Variants in GLIS3 observed in about 807,000 individuals in gnomAD.
GLIS3 encodes the protein zinc finger protein GLIS3.
Under a neutral mutation model 78.6 loss-of-function variants are expected in GLIS3, and 53 were observed. The ratio of observed to expected loss-of-function variants is 0.67; its 90% CI spans 0.54 to 0.85. The LOEUF is 0.85. GLIS3 is among the 40% of genes least tolerant of loss of function. GLIS3 has a pLI of 0.00. For missense variants in GLIS3, 1,703 were observed against 1,231.1 expected (o/e 1.38, Z -5.74); for synonymous variants, 684 against 509.9 (o/e 1.34, Z -4.60).
At position 3,977,954 on chromosome 9, in the gene GLIS3, G is replaced by C. The variant is rs532562757; in HGVS notation, c.1711-40765C>G. Among the ~76,000 whole-genome samples the C allele has an allele frequency of 1.3e-5, 2 of 152,286 alleles. No individual in the cohort carries two copies. Among genetic ancestry groups the C allele is most frequent in the South Asian group, 2.1e-4 (1 of 4,822 alleles). Reference sequence around the variant, plus strand: ...ATGGTAATATTTCATGACAGCGAAAGGCCAGTTGACACCGCTGGGTGCACC... The same window carrying C: ...ATGGTAATATTTCATGACAGCGAAACGCCAGTTGACACCGCTGGGTGCACC... On this transcript the variant is annotated intron_variant, in intron 4 of 10. Transcript: ENST00000381971. The surrounding 1 kb of genome is among the most constrained non-coding windows in gnomAD (Gnocchi z 4.1).
intron 7 of GLIS3, among the ~76,000 whole-genome samples, chr9:3,893,073 T>C (rs1822569617): frequency 6.6e-6 from 1 of 152,166 alleles, no homozygotes; most frequent in African/African-American, 2.4e-5. Flanking sequence ...CTACTTGTTT[T>C]TCCTGATCCT....
chr9:4,486,039 C>T, the GLIS3 span, among the ~76,000 whole-genome samples: 19 of 152,168 alleles, frequency 1.2e-4, no homozygotes, highest in South Asian at 2.1e-4. Context: ...TGCTTTTAGT[C>T]GGGGAGATTT....
chr9:4,282,365 G>C (rs1457056149), intron 2 of GLIS3, among the ~76,000 whole-genome samples: 2 of 152,178 alleles, frequency 1.3e-5, no homozygotes, highest in Non-Finnish European at 2.9e-5. Context: ...CATTTAGTCA[G>C]TACACTGAGT....
chr9:4,463,944 T>C, the GLIS3 span, among the ~76,000 whole-genome samples: 13 of 152,154 alleles, frequency 8.5e-5, no homozygotes, highest in East Asian at 2.1e-3. Context: ...AGGGAGGAAA[T>C]ACAAAAATAC....
intron 4 of GLIS3, among the ~76,000 whole-genome samples, chr9:3,953,775 CTCTCTCTCTCTCTCTCTCTCTATA>C: frequency 2.7e-5 from 1 of 37,350 alleles, no homozygotes; most frequent in East Asian, 5.6e-4. Flanking sequence ...CTCTCTCTCT[CTCTCTCTCTCTCTCTCTCTCTATA>C]TATATATATA....
At position 3,835,520 on chromosome 9, in the gene GLIS3, T is replaced by A. The variant is rs568641405; in HGVS notation, c.2474-6028A>T. On this transcript the variant is annotated intron_variant, in intron 9 of 10. Transcript: ENST00000381971. The stretch of plus-strand genomic sequence containing the variant: ...TATCAATTCAGGGATCCAGGCTAAG[T>A]GCTATAGTTTTTCAGCCACTACCCA... Among the ~76,000 whole-genome samples the A allele has an allele frequency of 1.1e-4, 17 of 152,330 alleles. No individual in the cohort carries two copies. The South Asian group carries it at 3.5e-3, about 32-fold the overall frequency.
chr9:4,147,565 T>C (rs1016565448), intron 2 of GLIS3: 7 of 152,218 alleles, frequency 4.6e-5, no homozygotes, highest in Non-Finnish European at 8.8e-5. Flanking sequence ...TTTTATAAAA[T>C]GCAGGCAGCA....
intron 4 of GLIS3, among the ~76,000 whole-genome samples, chr9:3,959,587 C>T (rs1244568378): frequency 6.6e-6 from 1 of 152,274 alleles, no homozygotes; most frequent in Non-Finnish European, 1.5e-5. Context: ...AATCCCTTCC[C>T]TCATCCTCAC....
chr9:3,902,564 G>C (rs1823391203), intron 6 of GLIS3, among the ~76,000 whole-genome samples: 1 of 152,228 alleles, frequency 6.6e-6, no homozygotes, highest in Admixed American at 6.5e-5. Flanking sequence ...ATTTTTCAGT[G>C]ACAGGAGGGA....
At chr9:4,289,725 T>C (rs939631587) in intron 1 of GLIS3, among the ~76,000 whole-genome samples, 20 of 152,146 alleles carry the variant, frequency 1.3e-4, no homozygotes, top group African/African-American at 4.8e-4. Flanking sequence ...TTAGGATATT[T>C]TGGATCTGAC....
At chr9:3,995,401 G>T (rs1482275654) in intron 4 of GLIS3, among the ~76,000 whole-genome samples, 1 of 152,044 alleles carries the variant, frequency 6.6e-6, no homozygotes, top group Non-Finnish European at 1.5e-5. Flanking sequence ...CCAAAGATAA[G>T]GTTCTAAAGA....
At chr9:4,225,762 T>G (rs1376390075) in intron 2 of GLIS3, among the ~76,000 whole-genome samples, 1 of 152,200 alleles carries the variant, frequency 6.6e-6, no homozygotes, top group East Asian at 1.9e-4. Context: ...GTTGACAACT[T>G]GAACTCTTGA....
intron 4 of GLIS3, among the ~76,000 whole-genome samples, chr9:4,003,354 A>G (rs187817791): frequency 4.2e-4 from 64 of 152,348 alleles, no homozygotes; most frequent in African/African-American, 1.5e-3. Context: ...TTTTAAAAAG[A>G]GAAAGAGGAC....
the GLIS3 span, among the ~76,000 whole-genome samples, chr9:4,416,261 A>G: frequency 6.1e-5 from 9 of 147,072 alleles, no homozygotes; most frequent in Non-Finnish European, 1.1e-4. Context: ...TTAAAAAAAA[A>G]AAAAAAAAAA....
At chr9:3,852,357 C>A (rs529042227) in intron 9 of GLIS3, among the ~76,000 whole-genome samples, 3 of 152,200 alleles carry the variant, frequency 2.0e-5, no homozygotes, top group Admixed American at 1.3e-4. Flanking sequence ...ATTAAAACCA[C>A]GAAGTTTTTG....
At chr9:3,987,591 A>C (rs1232503988) in intron 4 of GLIS3, among the ~76,000 whole-genome samples, 1 of 151,206 alleles carries the variant, frequency 6.6e-6, no homozygotes, top group Non-Finnish European at 1.5e-5. Flanking sequence ...AATCCCAGCT[A>C]CTCAGGAGGC....
intron 2 of GLIS3, among the ~76,000 whole-genome samples, chr9:4,216,298 C>G (rs1474675717): frequency 3.3e-5 from 5 of 151,892 alleles, no homozygotes; most frequent in South Asian, 4.2e-4. Flanking sequence ...TGGTGAAACC[C>G]CGCCTCTACT....
At position 4,318,919 on chromosome 9, in the gene GLIS3, G is replaced by A. The variant is rs143207959; in HGVS notation, n.265-8391C>T. Among the ~76,000 whole-genome samples, 27 of 152,246 alleles carry A rather than the reference G, an allele frequency of 1.8e-4. 1 individual carries two copies. Among genetic ancestry groups the A allele is most frequent in the African/African-American group, 5.1e-4 (21 of 41,538 alleles). On this transcript the variant is annotated intron_variant and non_coding_transcript_variant, in intron 2 of 4. Coordinates refer to the GLIS3 transcript ENST00000471664. Reference sequence around the variant, plus strand: ...ATCAAAGTGACATCATGTGCCTCCCGGAGTGAGCTGCTGAGGACACAACAG... The same window carrying A: ...ATCAAAGTGACATCATGTGCCTCCCAGAGTGAGCTGCTGAGGACACAACAG...
chr9:4,475,785 A>C, the GLIS3 span, among the ~76,000 whole-genome samples: 1 of 152,236 alleles, frequency 6.6e-6, no homozygotes, highest in Non-Finnish European at 1.5e-5. Flanking sequence ...AAAAGAGGCA[A>C]CTGAAGAATA....
Sources: gnomAD v4.1 joint callset for allele counts (sites outside exome capture counted in the v4.1 genomes callset) on GRCh38, gnomAD v4.1.1 for gene constraint, Gnocchi (gnomAD v3.1) non-coding constraint, MANE v1.5 for transcripts, NCBI Gene and HGNC (gene_info 2026-07-23, HGNC 2026-07-21) for gene names.